The following SDK2 variants were observed in gnomAD, a reference collection of about 807,000 sequenced individuals.
The protein encoded by SDK2 is sidekick cell adhesion molecule 2.
Under a neutral mutation model 253.9 loss-of-function variants are expected in SDK2, and 105 were observed. The observed-to-expected ratio is 0.41, with a 90% CI of 0.35 to 0.49. The LOEUF (loss-of-function observed/expected upper bound fraction) is 0.49. Ranked by LOEUF, SDK2 falls within the 20% of genes least tolerant of loss-of-function variation. SDK2 has a pLI of 0.06. For missense variants in SDK2, 2,608 were observed against 3,003.0 expected (o/e 0.87, Z 3.07); for synonymous variants, 1,249 against 1,234.9 (o/e 1.01, Z -0.24).
At chr17:73,457,803 G>C (rs1204704935) in intron 3 of SDK2, among the ~76,000 whole-genome samples, 1 of 152,004 alleles carries the variant, frequency 6.6e-6, no homozygotes, top group Non-Finnish European at 1.5e-5. Flanking sequence ...TAAGCTACCG[G>C]GTCCCCTCCT....
Position 73,379,984 on chromosome 17 carries a change from G to C in SDK2, c.4763-435C>G, listed in dbSNP as rs149870531. On this transcript the variant is annotated intron_variant, in intron 34 of 44. Transcript: ENST00000392650. This position sits in a 1 kb window ranked among gnomAD's most constrained non-coding sequence, Gnocchi z 4.5. ...TTTACACAGCGGGGCTCAGCTCCAG[G>C]GGGGAGGGGCGCATTGGATGTGAAT... 1.5e-4 allele frequency among the ~76,000 whole-genome samples: 23 copies of C among 152,228 alleles called. No individual in the cohort carries two copies. Among genetic ancestry groups the C allele is most frequent in the East Asian group, 5.8e-4 (3 of 5,168 alleles).
chr17:73,571,216 G>A (rs1278078874), intron 1 of SDK2, among the ~76,000 whole-genome samples: 2 of 152,126 alleles, frequency 1.3e-5, no homozygotes, highest in Non-Finnish European at 2.9e-5. Context: ...TTACAGGCGT[G>A]AGCCACCATG....
intron 1 of SDK2, among the ~76,000 whole-genome samples, chr17:73,601,013 T>TA (rs536396540): frequency 4.0e-5 from 6 of 151,376 alleles, no homozygotes; most frequent in African/African-American, 1.5e-4. Flanking sequence ...TTTTATTATT[T>TA]AAAAAAAAAT....
rs193228677 is a variant in SDK2 at position 73,451,397 on chromosome 17, T to C, written c.480-3649A>G. Among the ~76,000 whole-genome samples, 756 of 152,206 alleles carry C rather than the reference T, an allele frequency of 5.0e-3. 5 individuals carry two copies. Among genetic ancestry groups the C allele is most frequent in the African/African-American group, 0.017 (720 of 41,528 alleles). On this transcript the variant is annotated intron_variant, in intron 4 of 44. Transcript: ENST00000392650. ...GGTGCATGCCTGTAATCCCAGCTAC[T>C]GGAGGCTGAGGCAGGAGAATTGCTT...
At chr17:73,553,578 G>A (rs1035488598) in intron 1 of SDK2, among the ~76,000 whole-genome samples, 4 of 152,144 alleles carry the variant, frequency 2.6e-5, no homozygotes, top group South Asian at 2.1e-4. Context: ...AGGACAGGGG[G>A]GGACAGAGAG....
rs2063518332 is a variant in SDK2 at position 73,455,354 on chromosome 17, C to G, written c.479+552G>C. 6.6e-6 allele frequency among the ~76,000 whole-genome samples: 1 copy of G among 152,178 alleles called. No homozygotes were observed. The highest frequency in any genetic ancestry group is 2.4e-5 in the African/African-American group (1 of 41,458). ...TGCCCACAGGCTGGGCTGCCCCAGC[C>G]AATCCCAGGGGGCACACAGAGACGG... On this transcript the variant is annotated intron_variant, in intron 4 of 44. Transcript: ENST00000392650. The surrounding 1 kb of genome is among the most constrained non-coding windows in gnomAD (Gnocchi z 5.0).
At position 73,447,200 on chromosome 17, in the gene SDK2, G is replaced by A. The variant is rs2063458756; in HGVS notation, c.613+415C>T. Among the ~76,000 whole-genome samples, 1 of 152,158 alleles carries A rather than the reference G, an allele frequency of 6.6e-6. No homozygotes were observed. The highest frequency in any genetic ancestry group is 6.5e-5 in the Admixed American group (1 of 15,284). On this transcript the variant is annotated intron_variant, in intron 5 of 44. Transcript: ENST00000392650. The surrounding 1 kb of genome is among the most constrained non-coding windows in gnomAD (Gnocchi z 4.0). ...CTTATGTGACAGCCAAGTAGAGACA[G>A]TTAGTATATTTCTGTAAAAACAAGC... is the stretch of plus-strand genomic sequence containing the variant.
At chr17:73,556,761 G>C (rs567863925) in intron 1 of SDK2, among the ~76,000 whole-genome samples, 1 of 152,150 alleles carries the variant, frequency 6.6e-6, no homozygotes, top group Non-Finnish European at 1.5e-5. Flanking sequence ...CACAAATTCT[G>C]GAGCCAGACC....
chr17:73,432,509 A>G (rs1468509378), intron 10 of SDK2, among the ~76,000 whole-genome samples: 1 of 152,022 alleles, frequency 6.6e-6, no homozygotes, highest in East Asian at 1.9e-4. Context: ...ATCCCCACAA[A>G]TGTTTATTGA....
At chr17:73,439,426 C>T (rs553479305) in intron 6 of SDK2, among the ~76,000 whole-genome samples, 47 of 152,070 alleles carry the variant, frequency 3.1e-4, no homozygotes, top group African/African-American at 1.0e-3. Context: ...AAAATAACAA[C>T]AACAACAAAA....
intron 14 of SDK2, 89 bp downstream of exon 14, chr17:73,423,297 G>T (rs2063248891): frequency 2.4e-6 from 3 of 1,231,012 alleles, no homozygotes; most frequent in Admixed American, 8.1e-5. Context: ...CCAGAACTAG[G>T]AAGCAGGAGA....
At chr17:73,555,267 G>C (rs1202866117) in intron 1 of SDK2, among the ~76,000 whole-genome samples, 1 of 152,252 alleles carries the variant, frequency 6.6e-6, no homozygotes, top group Non-Finnish European at 1.5e-5. Context: ...TGGAGGGCTT[G>C]AGTCTGGAAC....
At chr17:73,569,573 T>TCACG (rs1567848420) in intron 1 of SDK2, among the ~76,000 whole-genome samples, 16 of 149,256 alleles carry the variant, frequency 1.1e-4, no homozygotes, top group Non-Finnish European at 2.1e-4. Flanking sequence ...GGGGTGGGGA[T>TCACG]TGCTTTCAAA....
At chr17:73,463,082 C>T (rs531358150) in intron 3 of SDK2, among the ~76,000 whole-genome samples, 4 of 152,246 alleles carry the variant, frequency 2.6e-5, no homozygotes, top group Admixed American at 6.5e-5. Flanking sequence ...ACGGTGATAA[C>T]GGAGACTGAG....
intron 12 of SDK2, among the ~76,000 whole-genome samples, chr17:73,427,391 C>T (rs1382822924): frequency 6.6e-6 from 1 of 152,180 alleles, no homozygotes; most frequent in Non-Finnish European, 1.5e-5. Context: ...ACATGCCCAT[C>T]TGTTTACTTA....
intron 26 of SDK2, among the ~76,000 whole-genome samples, 166 bp downstream of exon 26, chr17:73,394,043 G>A (rs2145504764): frequency 6.6e-6 from 1 of 152,300 alleles, no homozygotes. Context: ...ACCCACAAGG[G>A]ATGACTCATG....
Position 73,402,109 on chromosome 17 carries a change from C to T in SDK2, c.2517G>A (p.Glu839=), listed in dbSNP as rs1308569923. The change falls in exon 19 of 45, where the codon GAG becomes GAA. Residue 839 remains glutamate (E), a synonymous_variant. Transcript: ENST00000392650. ...TAGGCCGGGCGGTCACCATGGTAAC[C>T]TCCTCTTCCTGTTCCGGCTCCCAGG... ...LIAWEPEQEE[E]VTMVTARPNF... is the part of the protein sequence containing the mutation. The T allele has an allele frequency of 2.5e-6, 4 of 1,613,984 alleles. No individual in the cohort carries two copies. The highest frequency in any genetic ancestry group is 2.5e-6 in the Non-Finnish European group (3 of 1,179,852).
Position 73,435,745 on chromosome 17 carries a change from G to GTCCC in SDK2, c.1001-105_1001-102dup. 9.1e-7 allele frequency: 1 copy of GTCCC among 1,097,554 alleles called. No individual in the cohort carries two copies. Among genetic ancestry groups the GTCCC allele is most frequent in the Non-Finnish European group, 1.3e-6 (1 of 782,300 alleles). The allele number at this position is 1,097,554 out of a possible 1,614,324, so 68.0% of individuals were successfully genotyped here. ...GCCGGGCCCGGAAATCTGCGAGGGG[G>GTCCC]TCCCTGGTGAATCTTGGTGTCTAGA... On this transcript the variant is annotated intron_variant, in intron 8 of 44. Coordinates refer to ENST00000392650, the MANE Select transcript of SDK2 (RefSeq NM_001144952.2). The surrounding 1 kb of genome is among the most constrained non-coding windows in gnomAD (Gnocchi z 5.7).
chr17:73,372,711 A>G (rs2062745466), intron 36 of SDK2, among the ~76,000 whole-genome samples: 1 of 152,138 alleles, frequency 6.6e-6, no homozygotes, highest in East Asian at 1.9e-4. Flanking sequence ...ACTGCACTCC[A>G]GCCTGGGTGA....
Sources: allele counts gnomAD v4.1 joint callset (sites outside exome capture counted in the v4.1 genomes callset), GRCh38; gene constraint gnomAD v4.1.1; non-coding constraint Gnocchi (gnomAD v3.1); transcripts MANE v1.5; gene names NCBI Gene and HGNC (gene_info 2026-07-23, HGNC 2026-07-21).